The following IDO2 variants were observed in gnomAD, a reference collection of about 807,000 sequenced individuals.
IDO2 encodes indoleamine 2,3-dioxygenase 2, also known as indoleamine 2,3-dioxygenase-like 1 protein.
Under a neutral mutation model 45.1 loss-of-function variants are expected in IDO2, and 46 were observed. The ratio of observed to expected loss-of-function variants is 1.02; its 90% CI spans 0.80 to 1.30. The LOEUF (loss-of-function observed/expected upper bound fraction) is 1.30. Ranked by LOEUF, IDO2 falls within the 50% of genes most tolerant of loss-of-function variation. The pLI, the probability that IDO2 is intolerant of heterozygous loss-of-function variation, is 0.00. For missense variants in IDO2, 544 were observed against 491.8 expected, an observed-to-expected ratio of 1.11 and a Z score of -1.00; for synonymous variants, 218 against 184.9, an observed-to-expected ratio of 1.18 and a Z score of -1.45.
intron 1 of IDO2, among the ~76,000 whole-genome samples, chr8:39,943,432 G>A (rs1410130833): frequency 6.6e-6 from 1 of 150,410 alleles, no homozygotes; most frequent in Non-Finnish European, 1.5e-5. Flanking sequence ...TACCATAAAG[G>A]CCATATGTAA....
At chr8:39,978,585 G>A (rs1025777739) in intron 3 of IDO2, among the ~76,000 whole-genome samples, 3 of 152,106 alleles carry the variant, frequency 2.0e-5, no homozygotes, top group Admixed American at 1.3e-4. Flanking sequence ...GCAGCGTCAG[G>A]GGTTGTGCTC....
chr8:39,963,748 A>C (rs566748519), intron 3 of IDO2, 45 bp downstream of exon 3: 2 of 1,149,950 alleles, frequency 1.7e-6, no homozygotes, highest in African/African-American at 3.1e-5. Context: ...TTTCATCATC[A>C]TACCACTTTT....
In IDO2 at chr8:39,964,611, A is replaced by G. The variant is rs1454364171; in HGVS notation, c.195+908A>G. 2.0e-5 allele frequency among the ~76,000 whole-genome samples: 3 copies of G among 152,376 alleles called. No homozygotes were observed. The Middle Eastern group carries it at 0.01, about 518-fold the overall frequency. ...AAATTCTTTTTAAAATACTCATTGA[A>G]TGTTTGCTTTGTGCAAAGCACTAGA... On this transcript the variant is annotated intron_variant, in intron 3 of 10. Coordinates refer to ENST00000502986, the Ensembl canonical transcript of IDO2.
chr8:39,992,220 T>C (rs1336004040), intron 8 of IDO2, among the ~76,000 whole-genome samples: 1 of 152,282 alleles, frequency 6.6e-6, no homozygotes, highest in East Asian at 1.9e-4. Flanking sequence ...AGCACAGACT[T>C]CTGAGGCAAG....
chr8:40,009,689 A>G (rs533057785), intron 9 of IDO2, among the ~76,000 whole-genome samples: 274 of 152,316 alleles, frequency 1.8e-3, no homozygotes, highest in African/African-American at 6.3e-3. Context: ...ATGAGTTTTT[A>G]AAGTAGATGT....
chr8:39,998,403 T>C (rs1030814662), intron 8 of IDO2: 3 of 152,222 alleles, frequency 2.0e-5, no homozygotes, highest in Non-Finnish European at 2.9e-5. Context: ...ACTGTCATCA[T>C]GAGGCTCTAT....
At chr8:39,998,941 C>T (rs999265085) in intron 8 of IDO2, among the ~76,000 whole-genome samples, 2 of 151,946 alleles carry the variant, frequency 1.3e-5, no homozygotes, top group Non-Finnish European at 2.9e-5. Context: ...CCATGCCCAG[C>T]CCCATGTTAA....
chr8:39,946,288 GC>G (rs1278809205), intron 1 of IDO2, among the ~76,000 whole-genome samples: 1 of 152,176 alleles, frequency 6.6e-6, no homozygotes, highest in African/African-American at 2.4e-5. Flanking sequence ...TGGCTCGCTG[GC>G]CTCCCTCAGG....
chr8:40,013,430 A>T lies in IDO2; in HGVS notation c.720-135A>T, dbSNP rs1802337474. 3 of 811,236 alleles carry T rather than the reference A, an allele frequency of 3.7e-6. No homozygotes were observed. The South Asian group carries it at 5.3e-5, about 14-fold the overall frequency. 50.3% of individuals were successfully genotyped at this position (811,236 alleles called of 1,614,324 possible). On this transcript the variant is annotated intron_variant, in intron 9 of 10. Transcript: ENST00000502986. ...ATGCTTCAGTACTTACCCTACAAAGATACCCCCAATCCCTCACCCTAAAAT... is the reference window on the plus strand; with the variant it reads ...ATGCTTCAGTACTTACCCTACAAAGTTACCCCCAATCCCTCACCCTAAAAT...
At chr8:39,989,238 C>T (rs1808466502) in intron 7 of IDO2, among the ~76,000 whole-genome samples, 1 of 152,086 alleles carries the variant, frequency 6.6e-6, no homozygotes, top group African/African-American at 2.4e-5. Context: ...ATCATGAGAA[C>T]AGTATGGGAG....
At chr8:39,958,788 T>C (rs1807942809) in intron 2 of IDO2, among the ~76,000 whole-genome samples, 1 of 151,592 alleles carries the variant, frequency 6.6e-6, no homozygotes, top group Non-Finnish European at 1.5e-5. Context: ...TTTTTAATTT[T>C]CCTATGCTAC....
chr8:39,987,959 C>T (rs1479511779), exon 7 of IDO2: 2 of 1,599,072 alleles, frequency 1.3e-6, no homozygotes, highest in South Asian at 1.1e-5. Context: ...AGAAGCAGTG[C>T]CTGGGATAAA....
At chr8:39,995,205 TTCTC>T in intron 8 of IDO2, 1 of 66,034 alleles carries the variant, frequency 1.5e-5, no homozygotes, top group African/African-American at 9.0e-5. Context: ...CTTCTTCTCC[TTCTC>T]CTTCTCCTTC....
At chr8:39,997,302 C>T (rs1163372693) in intron 8 of IDO2, among the ~76,000 whole-genome samples, 1 of 152,034 alleles carries the variant, frequency 6.6e-6, no homozygotes, top group Non-Finnish European at 1.5e-5. Flanking sequence ...ATATACAATA[C>T]ATGCAGGAGT....
intron 2 of IDO2, 94 bp from the exon 3 acceptor site, chr8:39,963,514 A>G (rs1003005087): frequency 1.4e-6 from 1 of 701,906 alleles, no homozygotes; most frequent in African/African-American, 1.8e-5. Flanking sequence ...ATTGACTTGA[A>G]TTCCCCTGAA....
At chr8:39,978,204 C>T (rs1315666780) in intron 3 of IDO2, among the ~76,000 whole-genome samples, 2 of 152,298 alleles carry the variant, frequency 1.3e-5, no homozygotes, top group Admixed American at 1.3e-4. Flanking sequence ...GCTCTGTGCC[C>T]ACGTGGCGGT....
exon 11 of IDO2, chr8:40,015,270 G>T (rs987509951): frequency 6.2e-7 from 1 of 1,609,194 alleles, no homozygotes; most frequent in Admixed American, 1.7e-5. Context: ...CAGAATGAGG[G>T]ATTACATGCC....
intron 4 of IDO2, 34 bp downstream of exon 4, chr8:39,979,220 G>C (rs769365216): frequency 4.5e-6 from 7 of 1,555,960 alleles, no homozygotes; most frequent in Non-Finnish European, 1.7e-6. Context: ...CCTGTTACCC[G>C]GCAGGTTACC....
chr8:39,947,275 C>T (rs867859913), intron 1 of IDO2, among the ~76,000 whole-genome samples: 3 of 151,962 alleles, frequency 2.0e-5, no homozygotes, highest in Admixed American at 6.6e-5. Context: ...CTTTCCTCCC[C>T]GTCTAATTAG....
Sources: allele counts gnomAD v4.1 joint callset (sites outside exome capture counted in the v4.1 genomes callset), GRCh38; gene constraint gnomAD v4.1.1; transcripts MANE v1.5; gene names NCBI Gene and HGNC (gene_info 2026-07-23, HGNC 2026-07-21).